Variants in OSBPL8 observed in about 807,000 individuals in gnomAD.
OSBPL8 encodes the protein oxysterol binding protein like 8, also known as oxysterol-binding protein-related protein 8.
In OSBPL8, 59 loss-of-function variants were observed where a neutral mutation model predicts 125.5. That is an observed-to-expected ratio of 0.47 (90% CI 0.38 to 0.58). The LOEUF is 0.58. Among genes scored for constraint, OSBPL8 ranks in the 20% least tolerant of loss-of-function variants. OSBPL8 has a pLI of 0.00. For synonymous variants in OSBPL8, 330 were observed against 338.9 expected, an observed-to-expected ratio of 0.97 and a Z score of 0.29; for missense variants, 758 against 1,047.8, an observed-to-expected ratio of 0.72 and a Z score of 3.82.
At chr12:76,512,853 G>C (rs182267596) in intron 1 of OSBPL8, among the ~76,000 whole-genome samples, 26 of 152,188 alleles carry the variant, frequency 1.7e-4, no homozygotes, top group African/African-American at 6.3e-4. Flanking sequence ...CATCTTTTCT[G>C]ATTTCTTTGA....
intron 4 of OSBPL8, among the ~76,000 whole-genome samples, chr12:76,449,389 G>A (rs935377568): frequency 4.6e-5 from 7 of 152,326 alleles, no homozygotes; most frequent in African/African-American, 1.7e-4. Context: ...ACTTCTGGGA[G>A]TACCCAAAGA....
intron 1 of OSBPL8, among the ~76,000 whole-genome samples, chr12:76,493,002 A>T (rs1352024306): frequency 2.0e-5 from 3 of 152,106 alleles, no homozygotes; most frequent in Non-Finnish European, 4.4e-5. Context: ...TTTAAAATGC[A>T]CTTCTTCCTC....
At chr12:76,467,597 A>G (rs1281067516) in intron 2 of OSBPL8, among the ~76,000 whole-genome samples, 2 of 152,062 alleles carry the variant, frequency 1.3e-5, no homozygotes, top group Non-Finnish European at 2.9e-5. Context: ...CATTTCCCCC[A>G]ACATCTGATT....
At chr12:76,413,726 T>A (rs1406707278) in intron 4 of OSBPL8, among the ~76,000 whole-genome samples, 1 of 152,196 alleles carries the variant, frequency 6.6e-6, no homozygotes, top group Non-Finnish European at 1.5e-5. Flanking sequence ...CTTTCTCATG[T>A]TAATTGGCTA....
chr12:76,492,244 T>C (rs1049229125), intron 1 of OSBPL8, among the ~76,000 whole-genome samples: 2 of 152,086 alleles, frequency 1.3e-5, no homozygotes, highest in African/African-American at 4.8e-5. Flanking sequence ...TATGCAGATA[T>C]CTGAGGGAAG....
chr12:76,371,812 A>C lies in OSBPL8; in HGVS notation c.1918-228T>G, dbSNP rs185359793. 8 of 320,372 alleles carry C rather than the reference A, an allele frequency of 2.5e-5. No homozygotes were observed. The East Asian group carries it at 4.6e-4, about 18-fold the overall frequency. 19.8% of individuals were successfully genotyped at this position (320,372 alleles called of 1,614,324 possible). A position where few individuals can be genotyped will look rare whatever the true frequency, so the allele number is the denominator to read the frequency against. On this transcript the variant is annotated intron_variant, in intron 18 of 23. Transcript: ENST00000261183. ...AGTTAATTAAAAAGAATTTGGTTGAATATCCAGTTTGTGAAATTTCATAAG... is the reference window on the plus strand; with the variant it reads ...AGTTAATTAAAAAGAATTTGGTTGACTATCCAGTTTGTGAAATTTCATAAG...
chr12:76,521,104 G>A (rs1024121663), intron 1 of OSBPL8, among the ~76,000 whole-genome samples: 21 of 152,122 alleles, frequency 1.4e-4, no homozygotes, highest in African/African-American at 5.1e-4. Context: ...TCCAACAGCA[G>A]GGTCCAAATC....
In OSBPL8 at chr12:76,457,015, G is replaced by C. The variant is rs553923542; in HGVS notation, c.79+2844C>G. 1.1e-4 allele frequency among the ~76,000 whole-genome samples: 16 copies of C among 152,184 alleles called. No individual in the cohort carries two copies. In the South Asian group the frequency reaches 1.9e-3, roughly 18 times the overall value. ...AGCATCAACAGTGGTACTTCACATG[G>C]GTCCCATAGCGTTATTCAAGGTTTA... On this transcript the variant is annotated intron_variant, in intron 3 of 23. Transcript: ENST00000261183.
intron 2 of OSBPL8, among the ~76,000 whole-genome samples, chr12:76,481,183 C>A (rs202214312): frequency 5.4e-4 from 82 of 152,214 alleles, no homozygotes; most frequent in Non-Finnish European, 1.1e-3. Flanking sequence ...AGATTTCTGA[C>A]TTCCAGAACT....
intron 11 of OSBPL8, chr12:76,390,165 A>G: frequency 2.2e-6 from 1 of 446,036 alleles, no homozygotes; most frequent in South Asian, 5.2e-5. Context: ...AATGACATCA[A>G]GCAATATCCT....
At chr12:76,533,229 A>G (rs771087189) in intron 1 of OSBPL8, among the ~76,000 whole-genome samples, 15 of 152,206 alleles carry the variant, frequency 9.9e-5, no homozygotes, top group Non-Finnish European at 1.5e-4. Context: ...ACTCCATTAC[A>G]TAAGACCTAT....
intron 10 of OSBPL8, 120 bp from the exon 11 acceptor site, chr12:76,390,777 GTTT>G (rs1411657347): frequency 2.8e-5 from 18 of 646,178 alleles, no homozygotes; most frequent in Non-Finnish European, 4.8e-5. Flanking sequence ...TGTTCTAAGT[GTTT>G]TACATAGTGT....
rs149063866 is a variant in OSBPL8 at position 76,538,841 on chromosome 12, G to A, written c.-68+20556C>T. On this transcript the variant is annotated intron_variant, in intron 1 of 23. Transcript: ENST00000261183. The stretch of plus-strand genomic sequence containing the variant: ...CACATGTCTGTAGTCCCAGCTACTC[G>A]GGAGGCTGAGGCAGGAGGCTGAACC... Among the ~76,000 whole-genome samples, 406 of 151,800 alleles carry A rather than the reference G, an allele frequency of 2.7e-3. 5 individuals are homozygous for A. Among genetic ancestry groups the A allele is most frequent in the African/African-American group, 9.3e-3 (383 of 41,404 alleles).
intron 4 of OSBPL8, among the ~76,000 whole-genome samples, chr12:76,417,006 T>G (rs1290798882): frequency 1.3e-5 from 2 of 152,208 alleles, no homozygotes; most frequent in Non-Finnish European, 2.9e-5. Context: ...ACTCTCCTTC[T>G]GGGAAATACA....
chr12:76,509,404 TA>T (rs1337640184), intron 1 of OSBPL8, among the ~76,000 whole-genome samples: 3 of 152,196 alleles, frequency 2.0e-5, no homozygotes, highest in Non-Finnish European at 4.4e-5. Context: ...GAAAATCTAA[TA>T]TAATGAGAGA....
At chr12:76,373,214 G>T (rs891199944) in intron 18 of OSBPL8, 130 bp downstream of exon 18, 4 of 544,850 alleles carry the variant, frequency 7.3e-6, no homozygotes, top group South Asian at 3.4e-5. Flanking sequence ...CAAAATATCT[G>T]CTATTAAGAT....
At chr12:76,494,780 T>C (rs937984904) in intron 1 of OSBPL8, among the ~76,000 whole-genome samples, 1 of 152,174 alleles carries the variant, frequency 6.6e-6, no homozygotes, top group Non-Finnish European at 1.5e-5. Flanking sequence ...TTAGGAATAT[T>C]AAGTTTGATA....
Position 76,389,808 on chromosome 12 carries a change from C to T in OSBPL8, c.1189G>A (p.Glu397Lys), listed in dbSNP as rs780314165. ...LGEAGEASQTETVSEENKSLI... is the reference protein window; with the variant it reads ...LGEAGEASQTKTVSEENKSLI... Reference sequence around the variant, plus strand: ...CTTTTGTTTTCTTCAGATACAGTTTCTGTTTGAGAAGCCTCACCTGCCTTT... The same window carrying T: ...CTTTTGTTTTCTTCAGATACAGTTTTTGTTTGAGAAGCCTCACCTGCCTTT... Residue 397 changes from glutamate to lysine, a missense_variant, in exon 12 of 24, where the codon GAA becomes AAA. Transcript: ENST00000261183. 1 of 1,535,528 alleles carries T rather than the reference C, an allele frequency of 6.5e-7. No individual in the cohort carries two copies. Among genetic ancestry groups the T allele is most frequent in the South Asian group, 1.3e-5 (1 of 78,198 alleles).
At chr12:76,358,175 C>CTTTTTTT (rs60714321) in intron 22 of OSBPL8, among the ~76,000 whole-genome samples, 7 of 100,200 alleles carry the variant, frequency 7.0e-5, no homozygotes, top group South Asian at 3.7e-4. Context: ...GAGTGTGGTT[C>CTTTTTTT]TTTTTTTTTT....
Sources: gnomAD v4.1 joint callset for allele counts (sites outside exome capture counted in the v4.1 genomes callset) on GRCh38, gnomAD v4.1.1 for gene constraint, MANE v1.5 for transcripts, NCBI Gene and HGNC (gene_info 2026-07-23, HGNC 2026-07-21) for gene names.